Variants in TPR observed in about 807,000 individuals in gnomAD.
The protein encoded by TPR is nucleoprotein TPR.
TPR carries 51 observed loss-of-function variants against 316.1 expected under a neutral mutation model. The ratio of observed to expected loss-of-function variants is 0.16; its 90% CI spans 0.13 to 0.20. The LOEUF (loss-of-function observed/expected upper bound fraction) is 0.20. Ranked by LOEUF, TPR falls within the 10% of genes least tolerant of loss-of-function variation. TPR has a pLI of 1.00. For missense variants in TPR, 2,272 were observed against 2,754.8 expected (o/e 0.82, Z 3.92); for synonymous variants, 981 against 914.7 (o/e 1.07, Z -1.31).
At chr1:186,371,370 G>T (rs750376418) in intron 2 of TPR, among the ~76,000 whole-genome samples, 2 of 152,128 alleles carry the variant, frequency 1.3e-5, no homozygotes, top group Non-Finnish European at 2.9e-5. Flanking sequence ...ACAGTGAACT[G>T]TACTTAGCAG....
At chr1:186,366,800 A>T (rs1189559323) in intron 4 of TPR, among the ~76,000 whole-genome samples, 1 of 152,028 alleles carries the variant, frequency 6.6e-6, no homozygotes, top group Non-Finnish European at 1.5e-5. Flanking sequence ...AAAAGCACTA[A>T]TATAAAAACC....
chr1:186,350,171 C>A, intron 21 of TPR, 52 bp downstream of exon 21: 2 of 1,451,588 alleles, frequency 1.4e-6, no homozygotes, highest in Non-Finnish European at 1.9e-6. Flanking sequence ...TATTATAATC[C>A]CAAGAAGTAC....
chr1:186,312,282 A>G lies in TPR; in HGVS notation c.*1689T>C. 6.2e-7 allele frequency: 1 copy of G among 1,614,012 alleles called. No individual in the cohort carries two copies. The highest frequency in any genetic ancestry group is 1.1e-5 in the South Asian group (1 of 91,052). Reference sequence around the variant, plus strand: ...GTATGGAGAAACGACACAGGTTAGGAGACGTCGCTTTGAACGTGCTATAGG... The same window carrying G: ...GTATGGAGAAACGACACAGGTTAGGGGACGTCGCTTTGAACGTGCTATAGG... On this transcript the variant is annotated 3_prime_UTR_variant, in exon 51 of 51. Transcript: ENST00000367478.
intron 3 of TPR, among the ~76,000 whole-genome samples, chr1:186,370,211 AATC>A (rs1659479677): frequency 6.6e-6 from 1 of 152,198 alleles, no homozygotes; most frequent in African/African-American, 2.4e-5. Flanking sequence ...TTTTTTCCCC[AATC>A]ATCTTTAGAA....
chr1:186,351,115 TTAAAGGAA>T (rs1388902216), intron 20 of TPR, among the ~76,000 whole-genome samples: 1 of 152,136 alleles, frequency 6.6e-6, no homozygotes, highest in Non-Finnish European at 1.5e-5. Context: ...TCAAGAAGAT[TTAAAGGAA>T]TACAAAAATA....
intron 29 of TPR, among the ~76,000 whole-genome samples, 190 bp from the exon 30 acceptor site, chr1:186,339,962 C>T (rs1658463654): frequency 6.6e-6 from 1 of 150,856 alleles, no homozygotes; most frequent in African/African-American, 2.4e-5. Context: ...ACCCACAATA[C>T]AAGAGGAAAA....
chr1:186,317,603 A>G lies in TPR; in HGVS notation c.6822-3T>C. ...CTAGGCCTGCTTCTGAACTAATACTAAGGAAAAGAAAAATGAGAAAATACA... is the reference window on the plus strand; with the variant it reads ...CTAGGCCTGCTTCTGAACTAATACTGAGGAAAAGAAAAATGAGAAAATACA... On this transcript the variant is annotated splice_region_variant and splice_polypyrimidine_tract_variant and intron_variant, in intron 48 of 50. Coordinates refer to ENST00000367478, the MANE Select transcript of TPR (RefSeq NM_003292.3). The G allele has an allele frequency of 6.2e-7, 1 of 1,612,272 alleles. No homozygotes were observed. The highest frequency in any genetic ancestry group is 8.5e-7 in the Non-Finnish European group (1 of 1,178,712).
chr1:186,312,493 T>G lies in TPR; in HGVS notation c.*1478A>C. 1 of 1,066,532 alleles carries G rather than the reference T, an allele frequency of 9.4e-7. No individual in the cohort carries two copies. Among genetic ancestry groups the G allele is most frequent in the African/African-American group, 1.6e-5 (1 of 62,270 alleles). 66.1% of individuals were successfully genotyped at this position (1,066,532 alleles called of 1,614,324 possible). A position where few individuals can be genotyped will look rare whatever the true frequency, so the allele number is the denominator to read the frequency against. On this transcript the variant is annotated 3_prime_UTR_variant, in exon 51 of 51. Transcript: ENST00000367478. ...AACAGCCCTAATAATTTAAGCTTACTGATGAAAAACTCATCCACTTGCCTT... is the reference window on the plus strand; with the variant it reads ...AACAGCCCTAATAATTTAAGCTTACGGATGAAAAACTCATCCACTTGCCTT...
chr1:186,326,429 G>C (rs1657934473), intron 40 of TPR, among the ~76,000 whole-genome samples, 194 bp from the exon 41 acceptor site: 1 of 152,112 alleles, frequency 6.6e-6, no homozygotes, highest in East Asian at 1.9e-4. Context: ...GTGCAATAAT[G>C]ATCAATTCTG....
At chr1:186,330,603 T>C (rs1035555115) in intron 39 of TPR, among the ~76,000 whole-genome samples, 1 of 152,100 alleles carries the variant, frequency 6.6e-6, no homozygotes, top group Non-Finnish European at 1.5e-5. Context: ...CCCCAAAACC[T>C]GCTGAATATG....
At chr1:186,348,416 GT>G (rs1658748577) in intron 21 of TPR, among the ~76,000 whole-genome samples, 1 of 152,124 alleles carries the variant, frequency 6.6e-6, no homozygotes, top group Non-Finnish European at 1.5e-5. Context: ...GTTTTCTGTT[GT>G]TTAAGATGTT....
intron 38 of TPR, among the ~76,000 whole-genome samples, chr1:186,331,807 T>C (rs1206703461): frequency 6.6e-6 from 1 of 152,104 alleles, no homozygotes; most frequent in Non-Finnish European, 1.5e-5. Context: ...TTTAGTAGCC[T>C]TAATGTTTGA....
chr1:186,344,816 C>T (rs1184342814), intron 24 of TPR, among the ~76,000 whole-genome samples: 1 of 152,120 alleles, frequency 6.6e-6, no homozygotes, highest in Non-Finnish European at 1.5e-5. Context: ...AGAAGCTAAA[C>T]ATAACTCAGC....
chr1:186,351,885 TA>T, intron 19 of TPR, 90 bp downstream of exon 19: 1 of 1,433,846 alleles, frequency 7.0e-7, no homozygotes, highest in Middle Eastern at 2.4e-4. Flanking sequence ...AAGTGATGGA[TA>T]AATTTTCTAA....
chr1:186,368,978 C>T (rs1175495887), intron 3 of TPR, among the ~76,000 whole-genome samples: 1 of 152,186 alleles, frequency 6.6e-6, no homozygotes, highest in African/African-American at 2.4e-5. Context: ...TGTGGAAATC[C>T]AGTCTTCTCA....
chr1:186,325,617 T>G, intron 42 of TPR, 147 bp downstream of exon 42: 4 of 593,904 alleles, frequency 6.7e-6, no homozygotes, highest in South Asian at 6.6e-5. Context: ...AGACTTTTTA[T>G]GAGAGCACAA....
chr1:186,360,036 C>T, intron 11 of TPR, 40 bp from the exon 12 acceptor site: 2 of 1,573,486 alleles, frequency 1.3e-6, no homozygotes, highest in Non-Finnish European at 1.7e-6. Context: ...CTAACCATAA[C>T]AACGCAAATA....
Position 186,343,427 on chromosome 1 carries a change from C to T in TPR, c.3649G>A (p.Ala1217Thr). Residue 1217 changes from alanine to threonine, a missense_variant, in exon 27 of 51, where the codon GCT (alanine) becomes ACT (threonine). Physicochemically the swap from Ala to Thr is moderately conservative, Grantham distance 58. Coordinates refer to ENST00000367478, the MANE Select transcript of TPR (RefSeq NM_003292.3). ...CGATAACGCAGACTCTCAACCTGAG[C>T]CACCTCAAACCTAGTTTCAGCAATT... Reference protein sequence around the residue: ...KEIAETRFEVAQVESLRYRQR... With the variant: ...KEIAETRFEVTQVESLRYRQR... 6.2e-7 allele frequency: 1 copy of T among 1,613,812 alleles called. No individual in the cohort carries two copies. The highest frequency in any genetic ancestry group is 8.5e-7 in the Non-Finnish European group (1 of 1,179,868).
At chr1:186,322,220 C>A in intron 45 of TPR, 98 bp downstream of exon 45, 1 of 1,171,994 alleles carries the variant, frequency 8.5e-7, no homozygotes, top group African/African-American at 1.6e-5. Flanking sequence ...TAGAGAGGGA[C>A]TCAACAAACA....
Sources: gnomAD v4.1 joint callset for allele counts (sites outside exome capture counted in the v4.1 genomes callset) on GRCh38, gnomAD v4.1.1 for gene constraint, MANE v1.5 for transcripts, NCBI Gene and HGNC (gene_info 2026-07-23, HGNC 2026-07-21) for gene names.